NRXN3: variants seen among roughly 807,000 people sequenced by gnomAD.
NRXN3 encodes neurexin III.
A neutral mutation model predicts 137.6 loss-of-function variants in NRXN3; 32 were observed. The ratio of observed to expected loss-of-function variants is 0.23; its 90% confidence interval spans 0.18 to 0.31. The LOEUF (loss-of-function observed/expected upper bound fraction) is 0.31. Among genes scored for constraint, NRXN3 ranks in the 10% least tolerant of loss-of-function variants. NRXN3 has a pLI of 1.00. For missense variants in NRXN3, 1,574 were observed against 2,062.5 expected, an observed-to-expected ratio of 0.76 and a Z score of 4.59; for synonymous variants, 798 against 784.5, an observed-to-expected ratio of 1.02 and a Z score of -0.29.
chr14:79,017,124 C>T (rs2099580582), intron 15 of NRXN3, among the ~76,000 whole-genome samples: 1 of 151,742 alleles, frequency 6.6e-6, no homozygotes, highest in South Asian at 2.1e-4. Flanking sequence ...AGTGTTGATC[C>T]CTTTGGGGAA....
intron 1 of NRXN3, among the ~76,000 whole-genome samples, chr14:78,204,994 A>G (rs988106092): frequency 6.6e-5 from 10 of 152,170 alleles, no homozygotes; most frequent in Admixed American, 1.3e-4. Flanking sequence ...GACCAAGAGT[A>G]GCTTTCTATC....
At chr14:79,456,542 C>T (rs1250735712) in intron 15 of NRXN3, among the ~76,000 whole-genome samples, 2 of 152,144 alleles carry the variant, frequency 1.3e-5, no homozygotes, top group East Asian at 1.9e-4. Flanking sequence ...GCCTGGACAA[C>T]ATAGTGAAAC....
At chr14:78,359,986 C>T (rs1289898031) in intron 4 of NRXN3, among the ~76,000 whole-genome samples, 1 of 152,152 alleles carries the variant, frequency 6.6e-6, no homozygotes, top group African/African-American at 2.4e-5. Flanking sequence ...CTAAAAATAA[C>T]TTTTCTCAAA....
At chr14:78,605,723 A>AT (rs2097245146) in intron 4 of NRXN3, among the ~76,000 whole-genome samples, 1 of 152,092 alleles carries the variant, frequency 6.6e-6, no homozygotes, top group Admixed American at 6.6e-5. Flanking sequence ...TTTAAAAAAA[A>AT]TAAAACAAAA....
At chr14:78,742,844 GTTC>G (rs1460439226) in intron 8 of NRXN3, among the ~76,000 whole-genome samples, 2 of 152,146 alleles carry the variant, frequency 1.3e-5, no homozygotes, top group African/African-American at 4.8e-5. Context: ...CGATAAGAAT[GTTC>G]TTCTTTTAGC....
At chr14:78,383,007 G>T (rs959127374) in intron 4 of NRXN3, among the ~76,000 whole-genome samples, 1 of 152,004 alleles carries the variant, frequency 6.6e-6, no homozygotes, top group Non-Finnish European at 1.5e-5. Context: ...GCTTATTCTG[G>T]GCCAAGAGCA....
chr14:78,788,955 G>A (rs1295517792), intron 8 of NRXN3, among the ~76,000 whole-genome samples: 1 of 152,116 alleles, frequency 6.6e-6, no homozygotes, highest in African/African-American at 2.4e-5. Flanking sequence ...CTGAATGGGA[G>A]GCTGACCCAT....
chr14:79,665,707 T>C (rs2098554208), intron 17 of NRXN3, among the ~76,000 whole-genome samples: 2 of 152,156 alleles, frequency 1.3e-5, no homozygotes, highest in South Asian at 4.1e-4. Flanking sequence ...ACAAGTTTGC[T>C]GCCAGCAATG....
chr14:78,422,714 C>A (rs1243630260), intron 4 of NRXN3, among the ~76,000 whole-genome samples: 1 of 152,218 alleles, frequency 6.6e-6, no homozygotes, highest in African/African-American at 2.4e-5. Context: ...TGGGAAGTGG[C>A]TTTGCCTCTT....
In NRXN3 at chr14:79,689,592, CT is replaced by C. The variant is rs573119508; in HGVS notation, c.3617-2575del. Among the ~76,000 whole-genome samples the C allele has an allele frequency of 2.3e-3, 348 of 152,206 alleles. 1 individual carries two copies. The highest frequency in any genetic ancestry group is 3.6e-3 in the Non-Finnish European group (242 of 67,980). On this transcript the variant is annotated intron_variant, in intron 17 of 20. Coordinates refer to ENST00000335750, the MANE Select transcript of NRXN3 (RefSeq NM_001330195.2). ...TCAATCTGGTGTGGAAAACTTAAAA[CT>C]TTTTTCTAAATGTCTTTAAAGCTGA...
At chr14:79,185,467 AT>A (rs10678366) in intron 15 of NRXN3, among the ~76,000 whole-genome samples, 5,649 of 144,190 alleles carry the variant, frequency 0.039, 228 homozygotes, top group East Asian at 0.22. Context: ...ACACTTGGGA[AT>A]TTTTTTTTTT....
intron 10 of NRXN3, among the ~76,000 whole-genome samples, chr14:78,924,737 C>G (rs1170681363): frequency 3.3e-5 from 5 of 152,114 alleles, no homozygotes. Flanking sequence ...TAAAAGTTTT[C>G]AGGCTAGAGA....
rs117099624 is a variant in NRXN3, at chr14:79,621,991, G to A, written c.3445-41787G>A. On this transcript the variant is annotated intron_variant, in intron 16 of 20. Transcript: ENST00000335750. ...CAAACTTAACTGGATAAGAATCTGC[G>A]TTCTGTCAACAACTTTAGAGGCACT... 6.9e-4 allele frequency among the ~76,000 whole-genome samples: 105 copies of A among 152,226 alleles called. 4 individuals are homozygous for A. In the East Asian group the frequency reaches 0.017, roughly 24 times the overall value.
chr14:78,340,166 G>A (rs936368991), intron 4 of NRXN3, among the ~76,000 whole-genome samples: 5 of 152,172 alleles, frequency 3.3e-5, no homozygotes, highest in Admixed American at 6.5e-5. Context: ...AGCCCGAAGG[G>A]AAACTGAGAA....
intron 16 of NRXN3, among the ~76,000 whole-genome samples, chr14:79,635,181 AC>A (rs903013610): frequency 6.6e-6 from 1 of 152,212 alleles, no homozygotes; most frequent in African/African-American, 2.4e-5. Flanking sequence ...ATCACATTGT[AC>A]CCCATAAGTA....
At chr14:78,640,205 C>T (rs1226395108) in intron 4 of NRXN3, among the ~76,000 whole-genome samples, 1 of 152,134 alleles carries the variant, frequency 6.6e-6, no homozygotes, top group Non-Finnish European at 1.5e-5. Context: ...GAAGTGTAAA[C>T]CTCACTATAT....
At chr14:79,105,496 T>G (rs1390459724) in intron 15 of NRXN3, among the ~76,000 whole-genome samples, 1 of 152,188 alleles carries the variant, frequency 6.6e-6, no homozygotes, top group Non-Finnish European at 1.5e-5. Context: ...GAAGTTTTAG[T>G]GAAAATCGAT....
At chr14:78,861,259 G>A (rs555497271) in intron 10 of NRXN3, among the ~76,000 whole-genome samples, 2 of 152,160 alleles carry the variant, frequency 1.3e-5, no homozygotes, top group South Asian at 4.1e-4. Context: ...TTGTTATTCT[G>A]AACATTAATT....
At chr14:79,032,036 G>A (rs1354674531) in intron 15 of NRXN3, among the ~76,000 whole-genome samples, 1 of 152,066 alleles carries the variant, frequency 6.6e-6, no homozygotes, top group Non-Finnish European at 1.5e-5. Context: ...AGAGGTGTAG[G>A]AACTAAACAA....
Sources: gnomAD v4.1 joint callset for allele counts (sites outside exome capture counted in the v4.1 genomes callset) on GRCh38, gnomAD v4.1.1 for gene constraint, MANE v1.5 for transcripts, NCBI Gene and HGNC (gene_info 2026-07-23, HGNC 2026-07-21) for gene names.